The following HECA variants were observed in gnomAD, a reference collection of about 807,000 sequenced individuals.
HECA encodes the protein HECA ribonucleoprotein granule regulator, also known as headcase protein homolog.
In HECA, 13 loss-of-function variants were observed where a neutral mutation model predicts 37.6. The ratio of observed to expected loss-of-function variants is 0.35; its 90% confidence interval spans 0.23 to 0.55. HECA has a LOEUF of 0.55. HECA is among the 20% of genes least tolerant of loss of function. HECA has a pLI of 0.90. For missense variants in HECA, 527 were observed against 701.9 expected, an observed-to-expected ratio of 0.75 and a Z score of 2.82; for synonymous variants, 307 against 291.5, an observed-to-expected ratio of 1.05 and a Z score of -0.54.
chr6:139,174,339 T>G, intron 2 of HECA, 46 bp from the exon 3 acceptor site: 2 of 1,564,152 alleles, frequency 1.3e-6, no homozygotes, highest in Non-Finnish European at 1.7e-6. Flanking sequence ...AGATGAAATG[T>G]GATTTCCATG....
At chr6:139,153,801 G>A (rs1270843249) in intron 1 of HECA, among the ~76,000 whole-genome samples, 2 of 152,118 alleles carry the variant, frequency 1.3e-5, no homozygotes, top group African/African-American at 4.8e-5. Flanking sequence ...ACAGGGTATT[G>A]TCCTGCTTAG....
Position 139,164,477 on chromosome 6 carries a change from T to C in HECA, c.272-1807T>C, listed in dbSNP as rs186175518. 4.6e-3 allele frequency among the ~76,000 whole-genome samples: 702 copies of C among 152,114 alleles called. 2 individuals are homozygous for C. The highest frequency in any genetic ancestry group is 7.2e-3 in the Non-Finnish European group (487 of 67,996). On this transcript the variant is annotated intron_variant, in intron 1 of 3. Transcript: ENST00000367658. The stretch of plus-strand genomic sequence containing the variant: ...GTGCTGGACTGGGCTGTCCAGTGCA[T>C]TACAGGAAGAGAATTGTCCAGATGC...
intron 2 of HECA, among the ~76,000 whole-genome samples, chr6:139,172,202 G>C (rs1774983354): frequency 6.6e-6 from 1 of 152,146 alleles, no homozygotes; most frequent in Non-Finnish European, 1.5e-5. Flanking sequence ...GGCCTCAAAT[G>C]ATCATCCCAT....
chr6:139,142,127 C>T (rs1009963175), intron 1 of HECA, among the ~76,000 whole-genome samples: 2 of 151,944 alleles, frequency 1.3e-5, no homozygotes, highest in African/African-American at 4.8e-5. Context: ...AGGGTTTCAC[C>T]ACGTTAGTCA....
intron 1 of HECA, among the ~76,000 whole-genome samples, chr6:139,136,728 G>C (rs1020390712): frequency 6.6e-6 from 1 of 151,386 alleles, no homozygotes; most frequent in Admixed American, 6.6e-5. Flanking sequence ...ACCGTCTTCC[G>C]GTCTGAAGCG....
At chr6:139,140,184 C>T (rs1440159894) in intron 1 of HECA, among the ~76,000 whole-genome samples, 2 of 152,198 alleles carry the variant, frequency 1.3e-5, no homozygotes, top group East Asian at 3.9e-4. Context: ...ACTTTAATTC[C>T]TACTACATTT....
At position 139,178,342 on chromosome 6, in the gene HECA, G is replaced by A. The variant is rs988627455; in HGVS notation, c.*1237G>A. ...TTAATGCTTTAAATAGACTGACGTC[G>A]CATACCCTTATAGAATTGGAATATG... On this transcript the variant is annotated 3_prime_UTR_variant, in exon 4 of 4. Transcript: ENST00000367658. The A allele has an allele frequency of 3.3e-5, 5 of 152,134 alleles. No individual in the cohort carries two copies. The highest frequency in any genetic ancestry group is 1.9e-4 in the East Asian group (1 of 5,176). 9.4% of individuals were successfully genotyped at this position (152,134 alleles called of 1,614,324 possible).
At chr6:139,156,871 G>C (rs1463042575) in intron 1 of HECA, among the ~76,000 whole-genome samples, 1 of 152,208 alleles carries the variant, frequency 6.6e-6, no homozygotes, top group Non-Finnish European at 1.5e-5. Context: ...GGGAAAGATG[G>C]ATTAGGTTTA....
chr6:139,141,758 T>TCC (rs1774515698), intron 1 of HECA, among the ~76,000 whole-genome samples: 1 of 150,172 alleles, frequency 6.7e-6, no homozygotes, highest in Non-Finnish European at 1.5e-5. Flanking sequence ...ACCTTCTTTT[T>TCC]TTTTTTTTTT....
chr6:139,135,562 G>T lies in HECA; in HGVS notation c.166G>T (p.Gly56Cys). ...AAAGCGAAAAGAPGAGGAAGA... is the reference protein window; with the variant it reads ...AAAGCGAAAACAPGAGGAAGA... Reference sequence around the variant, plus strand: ...GGCCGGTTGCGGGGCGGCGGCGGCGGGCGCGCCGGGCGCCGGAGGCGCGGC... The same window carrying T: ...GGCCGGTTGCGGGGCGGCGGCGGCGTGCGCGCCGGGCGCCGGAGGCGCGGC... Residue 56 changes from glycine (G) to cysteine (C), a missense_variant, in exon 1 of 4, where the codon GGC becomes TGC. Around this residue, in one of 4 missense-constraint regions of HECA, gnomAD observed 172 missense variants for 197.6 expected, o/e 0.87. Transcript: ENST00000367658. The T allele has an allele frequency of 1.0e-6, 1 of 974,190 alleles. No homozygotes were observed. The highest frequency in any genetic ancestry group is 4.7e-5 in the South Asian group (1 of 21,116). 60.3% of individuals were successfully genotyped at this position (974,190 alleles called of 1,614,324 possible).
intron 1 of HECA, among the ~76,000 whole-genome samples, chr6:139,157,139 A>T (rs763912627): frequency 2.0e-5 from 3 of 152,208 alleles, no homozygotes; most frequent in Non-Finnish European, 4.4e-5. Context: ...TTTAGACCAT[A>T]TAGGGTAACT....
intron 1 of HECA, among the ~76,000 whole-genome samples, chr6:139,136,104 GGA>G (rs1303744727): frequency 1.3e-5 from 2 of 152,036 alleles, no homozygotes; most frequent in Non-Finnish European, 2.9e-5. Flanking sequence ...CCGGAATGAA[GGA>G]GAGAGAGCCT....
Position 139,180,654 on chromosome 6 carries a change from T to C in HECA, c.*3549T>C, listed in dbSNP as rs192553086. On this transcript the variant is annotated 3_prime_UTR_variant, in exon 4 of 4. Coordinates refer to ENST00000367658, the MANE Select transcript of HECA (RefSeq NM_016217.3). Reference sequence around the variant, plus strand: ...GTAAAGATTTCTTGTCAAGATGTCTTGGATTGCACTTTTGTTGAGGAAAGA... The same window carrying C: ...GTAAAGATTTCTTGTCAAGATGTCTCGGATTGCACTTTTGTTGAGGAAAGA... 11 of 152,780 alleles carry C rather than the reference T, an allele frequency of 7.2e-5. No homozygotes were observed. Among genetic ancestry groups the C allele is most frequent in the Admixed American group, 3.9e-4 (6 of 15,312 alleles). 9.5% of individuals were successfully genotyped at this position (152,780 alleles called of 1,614,324 possible).
intron 1 of HECA, among the ~76,000 whole-genome samples, chr6:139,147,352 G>A (rs9495361): frequency 0.12 from 18,331 of 152,158 alleles, 1,632 homozygotes; most frequent in African/African-American, 0.22. Context: ...TGGGTCGGGC[G>A]TAGTGGCTCA....
intron 1 of HECA, among the ~76,000 whole-genome samples, chr6:139,150,664 AT>A (rs1327493772): frequency 6.6e-6 from 1 of 151,866 alleles, no homozygotes; most frequent in South Asian, 2.1e-4. Flanking sequence ...TAAGTTTTAG[AT>A]TTTTTTGGTA....
chr6:139,169,375 C>A (rs1562249355), intron 2 of HECA, among the ~76,000 whole-genome samples: 1 of 151,992 alleles, frequency 6.6e-6, no homozygotes, highest in Non-Finnish European at 1.5e-5. Context: ...TACGGAGTTA[C>A]AAATTTTCTG....
intron 1 of HECA, among the ~76,000 whole-genome samples, chr6:139,146,761 A>G (rs1158208933): frequency 6.6e-6 from 1 of 152,218 alleles, no homozygotes; most frequent in Non-Finnish European, 1.5e-5. Context: ...AGGGAAGCTC[A>G]AAGAATTCTT....
At chr6:139,160,562 T>C (rs1350208615) in intron 1 of HECA, among the ~76,000 whole-genome samples, 5 of 152,158 alleles carry the variant, frequency 3.3e-5, no homozygotes, top group African/African-American at 1.2e-4. Flanking sequence ...TATAGGCACA[T>C]GCCACTGAGC....
At chr6:139,152,273 G>T (rs2114449187) in intron 1 of HECA, among the ~76,000 whole-genome samples, 1 of 152,280 alleles carries the variant, frequency 6.6e-6, no homozygotes, top group South Asian at 2.1e-4. Context: ...TAGAAACCTA[G>T]AGTTTTTTAT....
Sources: allele counts gnomAD v4.1 joint callset (sites outside exome capture counted in the v4.1 genomes callset), GRCh38; gene constraint gnomAD v4.1.1; regional missense constraint gnomAD v4.1.1; transcripts MANE v1.5; gene names NCBI Gene and HGNC (gene_info 2026-07-23, HGNC 2026-07-21).